ASTN2: variants seen among roughly 807,000 people sequenced by gnomAD.
ASTN2 encodes astrotactin 2.
ASTN2 carries 54 observed loss-of-function variants against 139.8 expected under a neutral mutation model. The ratio of observed to expected loss-of-function variants is 0.39; its 90% CI spans 0.31 to 0.48. The LOEUF (loss-of-function observed/expected upper bound fraction) is 0.48. Ranked by LOEUF, ASTN2 falls within the 20% of genes least tolerant of loss-of-function variation. The probability of loss-of-function intolerance (pLI) is 0.95; values close to 1 mark genes in which losing one functional copy is unlikely to be tolerated. For missense variants in ASTN2, 1,565 were observed against 1,725.1 expected (o/e 0.91, Z 1.64); for synonymous variants, 756 against 719.5 (o/e 1.05, Z -0.81).
At chr9:116,903,649 C>T (rs764851254) in intron 10 of ASTN2, among the ~76,000 whole-genome samples, 1 of 152,192 alleles carries the variant, frequency 6.6e-6, no homozygotes, top group Non-Finnish European at 1.5e-5. Context: ...GAGACATACT[C>T]TCTCTCTGGG....
intron 16 of ASTN2, among the ~76,000 whole-genome samples, chr9:116,652,675 A>G (rs1343582432): frequency 6.6e-6 from 1 of 152,212 alleles, no homozygotes; most frequent in East Asian, 1.9e-4. Flanking sequence ...GGGGTTAATA[A>G]TACCAATGAA....
chr9:117,012,333 A>G (rs551573641), intron 6 of ASTN2, among the ~76,000 whole-genome samples: 2 of 152,306 alleles, frequency 1.3e-5, no homozygotes, highest in East Asian at 3.9e-4. Context: ...TGCATATGGC[A>G]AAAGTAGAGA....
chr9:117,360,589 T>C (rs1460682897), intron 1 of ASTN2, among the ~76,000 whole-genome samples: 1 of 152,186 alleles, frequency 6.6e-6, no homozygotes, highest in Non-Finnish European at 1.5e-5. Flanking sequence ...ACAGCCATCC[T>C]AATAACATAT....
intron 11 of ASTN2, among the ~76,000 whole-genome samples, chr9:116,829,854 A>G (rs1165137398): frequency 1.3e-5 from 2 of 152,204 alleles, no homozygotes; most frequent in Non-Finnish European, 2.9e-5. Context: ...AACTGGACTC[A>G]TATTTCTCGC....
At chr9:116,919,897 C>A (rs566910252) in intron 10 of ASTN2, among the ~76,000 whole-genome samples, 2 of 148,498 alleles carry the variant, frequency 1.3e-5, no homozygotes, top group Non-Finnish European at 3.0e-5. Context: ...GCTGAGATCA[C>A]ACCACTGCAC....
chr9:116,977,363 T>G lies in ASTN2; in HGVS notation c.1592-578A>C, dbSNP rs144085518. On this transcript the variant is annotated intron_variant, in intron 7 of 22. Transcript: ENST00000313400. ...TTTCCTCTCCTCCCCTTCCTTCTAC[T>G]GCCATCTCTTCTCTTGTCCTCTTTT... 3.6e-4 allele frequency among the ~76,000 whole-genome samples: 55 copies of G among 152,024 alleles called. 1 individual carries two copies. In the East Asian group the frequency reaches 0.011, roughly 29 times the overall value.
At chr9:116,911,378 T>A (rs574047777) in intron 10 of ASTN2, among the ~76,000 whole-genome samples, 2 of 152,042 alleles carry the variant, frequency 1.3e-5, no homozygotes, top group Non-Finnish European at 2.9e-5. Context: ...CTCAAGGTCA[T>A]GACAAACAAA....
intron 13 of ASTN2, among the ~76,000 whole-genome samples, chr9:116,795,877 T>G (rs1386772717): frequency 6.6e-6 from 1 of 152,200 alleles, no homozygotes; most frequent in Non-Finnish European, 1.5e-5. Context: ...AACACCACTT[T>G]ATAGTTGAAG....
chr9:116,545,637 T>C (rs1852059943), intron 19 of ASTN2: 1 of 151,900 alleles, frequency 6.6e-6, no homozygotes, highest in South Asian at 2.1e-4. Context: ...AACAAATCCA[T>C]TCTTTCTTAA....
At chr9:117,363,708 A>C (rs1426766653) in intron 1 of ASTN2, among the ~76,000 whole-genome samples, 1 of 152,180 alleles carries the variant, frequency 6.6e-6, no homozygotes, top group Non-Finnish European at 1.5e-5. Context: ...AGGAGTCAAA[A>C]GGGGATAAGG....
intron 10 of ASTN2, among the ~76,000 whole-genome samples, chr9:116,868,992 C>G (rs1833086017): frequency 6.6e-6 from 1 of 152,146 alleles, no homozygotes; most frequent in African/African-American, 2.4e-5. Context: ...CGAGACCAGC[C>G]TGACCAACAT....
At chr9:117,027,896 C>A (rs1208254879) in intron 6 of ASTN2, among the ~76,000 whole-genome samples, 1 of 152,136 alleles carries the variant, frequency 6.6e-6, no homozygotes, top group Non-Finnish European at 1.5e-5. Flanking sequence ...TCACCACCAC[C>A]CTGTGAAGTA....
rs1831280207 is a variant in ASTN2, at chr9:117,414,742, T to G, written c.197A>C (p.Lys66Thr). 3.9e-6 allele frequency: 5 copies of G among 1,273,252 alleles called. No homozygotes were observed. Among genetic ancestry groups the G allele is most frequent in the Non-Finnish European group, 5.0e-6 (5 of 1,008,862 alleles). 78.9% of individuals were successfully genotyped at this position (1,273,252 alleles called of 1,614,324 possible). The part of the protein sequence containing the change: ...SREPDSPCRL[K>T]TVTVSTLPAL... ...GGGCAGTGTGGACACCGTGACGGTC[T>G]TCAGCCGGCACGGGCTGTCGGGCTC... The change falls in exon 1 of 23, where the codon AAG becomes ACG. Residue 66 changes from lysine to threonine, a missense_variant. Coordinates refer to ENST00000313400, the MANE Select transcript of ASTN2 (RefSeq NM_001365068.1). This position sits in a 1 kb window ranked among gnomAD's most constrained non-coding sequence, Gnocchi z 4.2.
At chr9:117,145,556 C>T (rs1830175297) in intron 3 of ASTN2, among the ~76,000 whole-genome samples, 2 of 152,172 alleles carry the variant, frequency 1.3e-5, no homozygotes, top group South Asian at 4.1e-4. Context: ...ACAATTACAG[C>T]TTTCTGCCCA....
At chr9:116,534,267 T>A (rs571573374) in intron 19 of ASTN2, among the ~76,000 whole-genome samples, 17 of 152,316 alleles carry the variant, frequency 1.1e-4, no homozygotes, top group Admixed American at 9.2e-4. Flanking sequence ...TCTTTATGAG[T>A]CTTGCTAGTG....
intron 19 of ASTN2, among the ~76,000 whole-genome samples, chr9:116,587,614 C>T (rs946595903): frequency 2.6e-5 from 4 of 152,048 alleles, no homozygotes; most frequent in Non-Finnish European, 4.4e-5. Context: ...ACTCCAAATC[C>T]TTGTAGAGTA....
rs149195376 is a variant in ASTN2 at position 116,943,570 on chromosome 9, AG to A, written c.1889+31637del. Among the ~76,000 whole-genome samples the A allele has an allele frequency of 8.8e-3, 1,348 of 152,338 alleles. 28 individuals are homozygous for A. The highest frequency in any genetic ancestry group is 0.031 in the African/African-American group (1,277 of 41,574). ...GTATGTACATTATATCTCCAAAAAA[AG>A]CTCTTAAAATAAGGCAGATTCATGT... On this transcript the variant is annotated intron_variant, in intron 10 of 22. Coordinates refer to ENST00000313400, the MANE Select transcript of ASTN2 (RefSeq NM_001365068.1).
At chr9:116,929,797 G>A (rs1056098386) in intron 10 of ASTN2, among the ~76,000 whole-genome samples, 4 of 152,064 alleles carry the variant, frequency 2.6e-5, no homozygotes, top group African/African-American at 4.8e-5. Context: ...CTCTTAATTA[G>A]ACTATTTAAA....
chr9:116,462,786 GCA>G (rs1848528367), intron 20 of ASTN2, among the ~76,000 whole-genome samples: 2 of 99,262 alleles, frequency 2.0e-5, no homozygotes, highest in South Asian at 7.7e-4. Context: ...TGTTGGGTGA[GCA>G]TGTGTGTGTG....
Sources: allele counts gnomAD v4.1 joint callset (sites outside exome capture counted in the v4.1 genomes callset), GRCh38; gene constraint gnomAD v4.1.1; non-coding constraint Gnocchi (gnomAD v3.1); transcripts MANE v1.5; gene names NCBI Gene and HGNC (gene_info 2026-07-23, HGNC 2026-07-21).